CORO7: variants seen among roughly 807,000 people sequenced by gnomAD.
CORO7 encodes coronin 7.
In CORO7, 107 loss-of-function variants were observed where a neutral mutation model predicts 126.6. The observed-to-expected ratio is 0.85, with a 90% CI of 0.72 to 0.99. The LOEUF (loss-of-function observed/expected upper bound fraction) is 0.99. CORO7 is among the 50% of genes least tolerant of loss of function. The probability of loss-of-function intolerance (pLI) is 0.00; values close to 1 mark genes in which losing one functional copy is unlikely to be tolerated. For synonymous variants in CORO7, 603 were observed against 536.8 expected, an observed-to-expected ratio of 1.12 and a Z score of -1.70; for missense variants, 1,314 against 1,255.8, an observed-to-expected ratio of 1.05 and a Z score of -0.70.
chr16:4,405,797 G>A (rs1159370891), intron 5 of CORO7, among the ~76,000 whole-genome samples: 1 of 145,042 alleles, frequency 6.9e-6, no homozygotes, highest in African/African-American at 2.4e-5. Flanking sequence ...TACCTTCCGA[G>A]GCTTCCCGCT....
chr16:4,372,924 C>G (rs976474405), intron 9 of CORO7, among the ~76,000 whole-genome samples: 3 of 152,142 alleles, frequency 2.0e-5, no homozygotes, highest in Non-Finnish European at 2.9e-5. Flanking sequence ...GCAGCGGGAC[C>G]TAGAGCCCCC....
At chr16:4,360,185 G>A (rs947802804) in intron 21 of CORO7, 93 bp downstream of exon 21, 2 of 1,535,838 alleles carry the variant, frequency 1.3e-6, no homozygotes, top group African/African-American at 2.7e-5. Flanking sequence ...GGGCAGGAAT[G>A]GTTTCTGAAA....
rs1016028789 is a variant in CORO7, at chr16:4,413,460, A to G, written c.61-56T>C. On this transcript the variant is annotated intron_variant, in intron 1 of 27. Coordinates refer to ENST00000251166, the MANE Select transcript of CORO7 (RefSeq NM_024535.5). ...GAGAGCCAGGGTTCCACCTCCATGC[A>G]TGCCTAAAGCAAGAGGTGGGGCATA... is the stretch of plus-strand genomic sequence containing the variant. 2.1e-5 allele frequency: 32 copies of G among 1,506,488 alleles called. No homozygotes were observed. The African/African-American group carries it at 3.3e-4, about 16-fold the overall frequency. The allele number at this position is 1,506,488 out of a possible 1,614,324, so 93.3% of individuals were successfully genotyped here.
Position 4,364,304 on chromosome 16 carries a change from T to C in CORO7, c.1247A>G (p.Glu416Gly). 1 of 1,549,128 alleles carries C rather than the reference T, an allele frequency of 6.5e-7. No individual in the cohort carries two copies. Among genetic ancestry groups the C allele is most frequent in the Non-Finnish European group, 8.7e-7 (1 of 1,151,080 alleles). The part of the protein sequence containing the change: ...LPDTAQPAVM[E>G]TPVGDADASE... ...TGCGTCTGCATCACCCACGGGTGTCTCCATCACCGCAGGCTGGGCTGTGTC... is the reference window on the plus strand; with the variant it reads ...TGCGTCTGCATCACCCACGGGTGTCCCCATCACCGCAGGCTGGGCTGTGTC... The change falls in exon 14 of 28, where the codon GAG (glutamate) becomes GGG (glycine). Residue 416 changes from glutamate (E) to glycine (G), a missense_variant. Coordinates refer to ENST00000251166, the MANE Select transcript of CORO7 (RefSeq NM_024535.5).
chr16:4,382,693 G>A (rs1474053829), intron 9 of CORO7: 4 of 1,546,774 alleles, frequency 2.6e-6, no homozygotes, highest in Admixed American at 2.0e-5. Flanking sequence ...GCGGGCCATG[G>A]CAGCAGCGGC....
intron 9 of CORO7, chr16:4,383,089 C>A (rs2055059949): frequency 1.6e-6 from 1 of 639,758 alleles, no homozygotes; most frequent in Non-Finnish European, 2.6e-6. Flanking sequence ...TGTGGCCCAG[C>A]TGACGAGCCC....
At chr16:4,357,375 G>A in intron 25 of CORO7, 116 bp from the exon 26 acceptor site, 1 of 778,322 alleles carries the variant, frequency 1.3e-6, no homozygotes, top group Non-Finnish European at 1.8e-6. Context: ...TTTTTTTTTT[G>A]AGATGGAGTT....
In CORO7 at chr16:4,364,629, G is replaced by T; in HGVS notation, c.1105C>A (p.Pro369Thr). ...DTAGCVPATD[P>T]HSWWAGDNQQ... Reference sequence around the variant, plus strand: ...TTGTCCCCAGCCCACCAGCTATGGGGGTCGGTGGCAGGCACACAGCCGGCA... The same window carrying T: ...TTGTCCCCAGCCCACCAGCTATGGGTGTCGGTGGCAGGCACACAGCCGGCA... The change falls in exon 13 of 28, where the codon CCC becomes ACC. Residue 369 changes from proline (P) to threonine (T), a missense_variant. By Grantham distance (38) the Pro-to-Thr change is conservative (BLOSUM62 -1). Transcript: ENST00000251166. 2 of 1,572,554 alleles carry T rather than the reference G, an allele frequency of 1.3e-6. No homozygotes were observed. Among genetic ancestry groups the T allele is most frequent in the South Asian group, 1.2e-5 (1 of 85,946 alleles).
At chr16:4,382,965 T>C in intron 9 of CORO7, 1 of 1,426,802 alleles carries the variant, frequency 7.0e-7, no homozygotes, top group Non-Finnish European at 9.3e-7. Context: ...CCCCTCCTGC[T>C]GCCACACCAC....
chr16:4,357,324 T>G, intron 25 of CORO7, 65 bp from the exon 26 acceptor site: 4 of 1,405,724 alleles, frequency 2.8e-6, no homozygotes, highest in Non-Finnish European at 3.8e-6. Context: ...TGCCAAGCCC[T>G]CGGGGATTTC....
Position 4,360,153 on chromosome 16 carries a change from A to AC in CORO7, c.2108+124dup, listed in dbSNP as rs2054115919. 7.2e-6 allele frequency: 9 copies of AC among 1,243,814 alleles called. 1 individual carries two copies. In the South Asian group the frequency reaches 1.1e-4, roughly 15 times the overall value. 77.0% of individuals were successfully genotyped at this position (1,243,814 alleles called of 1,614,324 possible). A position where few individuals can be genotyped will look rare whatever the true frequency, so the allele number is the denominator to read the frequency against. On this transcript the variant is annotated intron_variant, in intron 21 of 27. Transcript: ENST00000251166. ...TACCCACTCATCCAATCATCTACCCACCCACCCAACCATCCAGTGAGGGGC... is the reference window on the plus strand; with the variant it reads ...TACCCACTCATCCAATCATCTACCCACCCCACCCAACCATCCAGTGAGGGGC...
At chr16:4,412,953 G>A in intron 2 of CORO7, 1 of 258,402 alleles carries the variant, frequency 3.9e-6, no homozygotes, top group Non-Finnish European at 7.4e-6. Context: ...CAACACACGG[G>A]CTTTTCAAGC....
intron 7 of CORO7, among the ~76,000 whole-genome samples, chr16:4,394,093 T>A (rs2055492733): frequency 6.6e-6 from 1 of 151,758 alleles, no homozygotes; most frequent in South Asian, 2.1e-4. Context: ...AGAGCAAGAC[T>A]CCATCTCCCC....
In CORO7 at chr16:4,357,252, T is replaced by G; in HGVS notation, c.2601A>C (p.Gln867His). The change falls in exon 26 of 28, where the codon CAA (glutamine) becomes CAC (histidine). Residue 867 changes from glutamine to histidine, a missense_variant. Gln to His is a conservative substitution (Grantham distance 24, BLOSUM62 0). Coordinates refer to ENST00000251166, the MANE Select transcript of CORO7 (RefSeq NM_024535.5). ...GACGAGCAGGGGCCTCTCGGGGGGC[T>G]TGGCTCACTGGGACAGAGCAAGGAC... ...LQPPDMSPVS[Q>H]APREAPARRA... 8.7e-6 allele frequency: 14 copies of G among 1,613,126 alleles called. No homozygotes were observed. Among genetic ancestry groups the G allele is most frequent in the Non-Finnish European group, 1.2e-5 (14 of 1,179,680 alleles).
chr16:4,383,638 T>G (rs2055086304), intron 9 of CORO7: 1 of 166,502 alleles, frequency 6.0e-6, no homozygotes, highest in Non-Finnish European at 1.5e-5. Context: ...TGGGCAGCCC[T>G]CCCAGGTGTC....
Position 4,362,625 on chromosome 16 carries a change from C to T in CORO7, c.1389G>A (p.Leu463=), listed in dbSNP as rs1227790745. The change falls in exon 15 of 28, where the codon CTG becomes CTA. Residue 463 remains leucine (L), a synonymous_variant. Coordinates refer to ENST00000251166, the MANE Select transcript of CORO7 (RefSeq NM_024535.5). The surrounding 1 kb of genome is among the most constrained non-coding windows in gnomAD (Gnocchi z 5.3). ...GIGTSPSLRS[L]QSLLGPSSKF... ...CTGCCTCCTTACCCAGCAGGCTCTG[C>T]AGCGACCTCAAACTGGGGCTGGTCC... 1.9e-6 allele frequency: 3 copies of T among 1,560,716 alleles called. No individual in the cohort carries two copies. The highest frequency in any genetic ancestry group is 2.4e-5 in the East Asian group (1 of 41,168).
chr16:4,382,489 T>C lies in CORO7; in HGVS notation c.785+5497A>G, dbSNP rs1164888464. The C allele has an allele frequency of 3.7e-6, 6 of 1,600,514 alleles. No homozygotes were observed. The Admixed American group carries it at 8.5e-5, about 23-fold the overall frequency. ...CACTTACTCCGTCTGTGTCATGCCT[T>C]TGGGGCCCGGGCGGGTGCCGGAGGG... On this transcript the variant is annotated intron_variant, in intron 9 of 27. Transcript: ENST00000251166.
In CORO7 at chr16:4,364,792, A is replaced by T; in HGVS notation, c.1027T>A (p.Tyr343Asn). Residue 343 changes from tyrosine to asparagine, a missense_variant, in exon 12 of 28, where the codon TAC becomes AAC. Coordinates refer to ENST00000251166, the MANE Select transcript of CORO7 (RefSeq NM_024535.5). The stretch of plus-strand genomic sequence containing the variant: ...CCCCTCACCTTGCGGGGCACATGGT[A>T]GCCGATGGGCACGATGGCTGTGTCG... Reference protein sequence around the residue: ...LSDTAIVPIGYHVPRKAVEFH... With the variant: ...LSDTAIVPIGNHVPRKAVEFH... 6.2e-7 allele frequency: 1 copy of T among 1,611,520 alleles called. No individual in the cohort carries two copies. The highest frequency in any genetic ancestry group is 8.5e-7 in the Non-Finnish European group (1 of 1,179,502).
chr16:4,386,864 C>T (rs976825982), intron 9 of CORO7, among the ~76,000 whole-genome samples: 1 of 152,212 alleles, frequency 6.6e-6, no homozygotes, highest in Non-Finnish European at 1.5e-5. Flanking sequence ...CAGGAGCTCT[C>T]GCTGGTACTC....
Sources: allele counts gnomAD v4.1 joint callset (sites outside exome capture counted in the v4.1 genomes callset), GRCh38; gene constraint gnomAD v4.1.1; non-coding constraint Gnocchi (gnomAD v3.1); transcripts MANE v1.5; gene names NCBI Gene and HGNC (gene_info 2026-07-23, HGNC 2026-07-21).